The following DLC1 variants were observed in gnomAD, a reference collection of about 807,000 sequenced individuals.
DLC1 encodes the protein rho GTPase-activating protein 7.
Under a neutral mutation model 140.3 loss-of-function variants are expected in DLC1, and 54 were observed. That is an observed-to-expected ratio of 0.38 (90% CI 0.31 to 0.48). The LOEUF is 0.48. Among genes scored for constraint, DLC1 ranks in the 20% least tolerant of loss-of-function variants. The probability of loss-of-function intolerance (pLI) is 0.96; values close to 1 mark genes in which losing one functional copy is unlikely to be tolerated. For missense variants in DLC1, 2,536 were observed against 1,907.0 expected (o/e 1.33, Z -6.14); for synonymous variants, 986 against 728.1 (o/e 1.35, Z -5.70).
At chr8:13,151,964 G>A (rs1033050985) in intron 5 of DLC1, among the ~76,000 whole-genome samples, 7 of 152,222 alleles carry the variant, frequency 4.6e-5, no homozygotes, top group South Asian at 4.2e-4. Context: ...AGATCTCTGC[G>A]ATTTATTCCA....
intron 5 of DLC1, among the ~76,000 whole-genome samples, chr8:13,291,090 G>A (rs1005375566): frequency 3.9e-5 from 6 of 152,140 alleles, no homozygotes; most frequent in Non-Finnish European, 7.3e-5. Context: ...TGTATTTTTA[G>A]TAGAGACAGG....
chr8:13,275,134 G>C (rs1831108358), intron 5 of DLC1, among the ~76,000 whole-genome samples: 1 of 152,182 alleles, frequency 6.6e-6, no homozygotes, highest in South Asian at 2.1e-4. Flanking sequence ...CAGTCCTGGG[G>C]AATATTGTTT....
chr8:13,242,428 C>CCCCATGA (rs1829580324), intron 5 of DLC1, among the ~76,000 whole-genome samples: 2 of 151,196 alleles, frequency 1.3e-5, no homozygotes, highest in African/African-American at 4.9e-5. Flanking sequence ...CAAGGTCTCT[C>CCCCATGA]TCTGTTGCCC....
intron 1 of DLC1, among the ~76,000 whole-genome samples, chr8:13,549,874 C>T (rs922289452): frequency 6.6e-6 from 1 of 152,246 alleles, no homozygotes; most frequent in Non-Finnish European, 1.5e-5. Context: ...TCTATCCTTT[C>T]CACTGTTTTC....
rs60839480 is a variant in DLC1 at position 13,432,446 on chromosome 8, G to A, written c.1024-30827C>T. Among the ~76,000 whole-genome samples, 501 of 152,250 alleles carry A rather than the reference G, an allele frequency of 3.3e-3. 12 individuals carry two copies. In the South Asian group the frequency reaches 0.06, roughly 18 times the overall value. ...TGCACTCATGCTAATGGAGACATTC[G>A]AATTCTTATTTTAATCGTACAATAT... On this transcript the variant is annotated intron_variant, in intron 2 of 17. Coordinates refer to ENST00000276297, the MANE Select transcript of DLC1 (RefSeq NM_182643.3).
chr8:13,181,631 A>C (rs201035550), intron 5 of DLC1, among the ~76,000 whole-genome samples: 1 of 151,918 alleles, frequency 6.6e-6, no homozygotes, highest in African/African-American at 2.4e-5. Context: ...ATGATGGTTT[A>C]CAGCTTCATC....
At chr8:13,240,476 A>G (rs144529275) in intron 5 of DLC1, among the ~76,000 whole-genome samples, 96 of 152,336 alleles carry the variant, frequency 6.3e-4, no homozygotes, top group African/African-American at 1.9e-3. Context: ...GCTGGAGTCC[A>G]GTTATATGAT....
chr8:13,567,850 C>T (rs140504541), intron 1 of DLC1: 9 of 1,551,794 alleles, frequency 5.8e-6, no homozygotes, highest in African/African-American at 1.4e-5. Flanking sequence ...GAAGTTGCAG[C>T]GAGATGGAAA....
intron 5 of DLC1, among the ~76,000 whole-genome samples, chr8:13,272,627 C>T (rs1026350533): frequency 2.6e-5 from 4 of 151,892 alleles, no homozygotes; most frequent in South Asian, 2.1e-4. Flanking sequence ...TTTGGGAGGC[C>T]GAGGCAGTCG....
intron 5 of DLC1, among the ~76,000 whole-genome samples, chr8:13,201,866 G>T (rs1049326186): frequency 6.6e-6 from 1 of 150,594 alleles, no homozygotes; most frequent in Non-Finnish European, 1.5e-5. Context: ...TCATGTCACA[G>T]GGTTTGTCAT....
chr8:13,154,717 AGAGCGAGC>A (rs2128980306), intron 5 of DLC1, among the ~76,000 whole-genome samples: 1 of 152,176 alleles, frequency 6.6e-6, no homozygotes, highest in East Asian at 1.9e-4. Context: ...GGAGGCGCCG[AGAGCGAGC>A]GAGGGCTGCT....
chr8:13,574,171 A>G (rs1363507517), intron 1 of DLC1, among the ~76,000 whole-genome samples: 1 of 152,180 alleles, frequency 6.6e-6, no homozygotes, highest in African/African-American at 2.4e-5. Context: ...TTCAGCATGT[A>G]TATATACACA....
intron 1 of DLC1, among the ~76,000 whole-genome samples, chr8:13,565,339 T>C (rs1054180338): frequency 6.6e-6 from 1 of 152,164 alleles, no homozygotes; most frequent in Non-Finnish European, 1.5e-5. Context: ...TTCAATGTTA[T>C]GGATAAGATA....
chr8:13,170,426 A>C (rs1178685202), intron 5 of DLC1, among the ~76,000 whole-genome samples: 1 of 152,180 alleles, frequency 6.6e-6, no homozygotes, highest in African/African-American at 2.4e-5. Context: ...ATCTCAGAAA[A>C]GCACTTTGAA....
At position 13,499,061 on chromosome 8, in the gene DLC1, A is replaced by G. The variant is rs1350547784; in HGVS notation, c.1011T>C (p.Leu337=). ...TQEPTDNQVR[L]RKRKEIREDR... ...GCATATGTCTTACCTTTCTCTTACGAAGTCTGACTTGGTTATCTGTGGGTT... is the reference window on the plus strand; with the variant it reads ...GCATATGTCTTACCTTTCTCTTACGGAGTCTGACTTGGTTATCTGTGGGTT... Residue 337 remains leucine, a synonymous_variant, in exon 2 of 18, where the codon CTT becomes CTC. Transcript: ENST00000276297. 1 of 1,609,838 alleles carries G rather than the reference A, an allele frequency of 6.2e-7. No homozygotes were observed. The highest frequency in any genetic ancestry group is 1.7e-5 in the Admixed American group (1 of 59,254).
At chr8:13,233,702 G>C (rs768400378) in intron 5 of DLC1, among the ~76,000 whole-genome samples, 7 of 152,154 alleles carry the variant, frequency 4.6e-5, no homozygotes, top group Admixed American at 2.6e-4. Context: ...ACACATGAAT[G>C]AAAGTAAAAC....
intron 5 of DLC1, among the ~76,000 whole-genome samples, chr8:13,244,659 A>G (rs941514697): frequency 3.9e-5 from 6 of 152,042 alleles, no homozygotes; most frequent in African/African-American, 1.4e-4. Flanking sequence ...ACACACCAAG[A>G]GATTGCTTTT....
Position 13,500,135 on chromosome 8 carries a change from T to C in DLC1, c.-64A>G. 1.5e-6 allele frequency: 2 copies of C among 1,361,894 alleles called. No homozygotes were observed. Among genetic ancestry groups the C allele is most frequent in the Admixed American group, 2.1e-5 (1 of 46,654 alleles). The allele number at this position is 1,361,894 out of a possible 1,614,324, so 84.4% of individuals were successfully genotyped here. A position where few individuals can be genotyped will look rare whatever the true frequency, so the allele number is the denominator to read the frequency against. On this transcript the variant is annotated 5_prime_UTR_variant, in exon 2 of 18. Coordinates refer to ENST00000276297, the MANE Select transcript of DLC1 (RefSeq NM_182643.3). ...ATATGAGGGTAAAGGAGATGGAACT[T>C]GATGAAAGATTATTTCAAAATCACC...
chr8:13,448,961 T>C (rs752785595), intron 2 of DLC1, among the ~76,000 whole-genome samples: 12 of 152,092 alleles, frequency 7.9e-5, no homozygotes, highest in Non-Finnish European at 1.8e-4. Context: ...CCGCTATGGG[T>C]TTTTTTAGAC....
Sources: gnomAD v4.1 joint callset for allele counts (sites outside exome capture counted in the v4.1 genomes callset) on GRCh38, gnomAD v4.1.1 for gene constraint, MANE v1.5 for transcripts, NCBI Gene and HGNC (gene_info 2026-07-23, HGNC 2026-07-21) for gene names.